Variants in EPM2A observed in about 807,000 individuals in gnomAD.
EPM2A encodes the protein laforin.
EPM2A carries 21 observed loss-of-function variants against 26.5 expected under a neutral mutation model. The ratio of observed to expected loss-of-function variants is 0.79; its 90% confidence interval spans 0.56 to 1.14. EPM2A has a LOEUF of 1.14. Among genes scored for constraint, EPM2A ranks in the 50% most tolerant of loss-of-function variants. The probability of loss-of-function intolerance (pLI) is 0.00; values close to 1 mark genes in which losing one functional copy is unlikely to be tolerated. For missense variants in EPM2A, 458 were observed against 440.8 expected, an observed-to-expected ratio of 1.04 and a Z score of -0.35; for synonymous variants, 217 against 177.6, an observed-to-expected ratio of 1.22 and a Z score of -1.76.
chr6:145,517,194 G>A (rs190317277), intron 2 of EPM2A, among the ~76,000 whole-genome samples: 1 of 152,234 alleles, frequency 6.6e-6, no homozygotes, highest in East Asian at 1.9e-4. Flanking sequence ...CTAGGGGAGG[G>A]AGAAATGGGG....
intron 4 of EPM2A, among the ~76,000 whole-genome samples, chr6:145,481,887 G>C (rs1779614692): frequency 6.6e-6 from 1 of 151,280 alleles, no homozygotes; most frequent in Admixed American, 6.6e-5. Context: ...ATAATTTAGT[G>C]AAACCATAAA....
intron 4 of EPM2A, among the ~76,000 whole-genome samples, chr6:145,386,203 C>T (rs1300741940): frequency 6.6e-6 from 1 of 152,046 alleles, no homozygotes; most frequent in Non-Finnish European, 1.5e-5. Context: ...TTAATAGAAG[C>T]ATAGTGCCTA....
At chr6:145,705,350 GAT>G (rs1782160148) in intron 1 of EPM2A, among the ~76,000 whole-genome samples, 2 of 152,026 alleles carry the variant, frequency 1.3e-5, no homozygotes, top group African/African-American at 4.8e-5. Flanking sequence ...CAGATATATA[GAT>G]ATATATAGAG....
chr6:145,601,972 T>G (rs1426277660), intron 2 of EPM2A, among the ~76,000 whole-genome samples: 1 of 152,208 alleles, frequency 6.6e-6, no homozygotes, highest in Non-Finnish European at 1.5e-5. Flanking sequence ...TTTGAAAAAG[T>G]TGACAAATTA....
At chr6:145,500,915 G>A (rs751345889), downstream of EPM2A, among the ~76,000 whole-genome samples, 86 of 152,154 alleles carry the variant, frequency 5.7e-4, 1 homozygote, top group Admixed American at 9.8e-4. Context: ...GGTTTGATGT[G>A]TAGATTCTAT....
rs1216969656 is a variant in EPM2A, at chr6:145,635,431, T to C, written c.532A>G (p.Ile178Val). Residue 178 changes from isoleucine (I) to valine (V), a missense_variant, in exon 3 of 4, where the codon ATC (isoleucine) becomes GTC (valine). Transcript: ENST00000367519. ...ATCCCCAATTCATGCTTCAGTTTGATGGTTACATGTTCCACCTGACGAGGG... is the reference window on the plus strand; with the variant it reads ...ATCCCCAATTCATGCTTCAGTTTGACGGTTACATGTTCCACCTGACGAGGG... ...SCPRQVEHVTIKLKHELGITA... is the reference protein window; with the variant it reads ...SCPRQVEHVTVKLKHELGITA... 1 of 1,614,032 alleles carries C rather than the reference T, an allele frequency of 6.2e-7. No homozygotes were observed. The highest frequency in any genetic ancestry group is 2.2e-5 in the East Asian group (1 of 44,884).
chr6:145,412,866 A>C (rs2114676556), intron 4 of EPM2A, among the ~76,000 whole-genome samples: 1 of 152,314 alleles, frequency 6.6e-6, no homozygotes, highest in East Asian at 1.9e-4. Flanking sequence ...TGTCCATGAC[A>C]GTGGCTAAGG....
chr6:145,620,052 G>C (rs955795103), intron 2 of EPM2A, among the ~76,000 whole-genome samples: 1 of 152,210 alleles, frequency 6.6e-6, no homozygotes, highest in Non-Finnish European at 1.5e-5. Flanking sequence ...AGTCTATAAA[G>C]AATGAGGGAT....
intron 2 of EPM2A, among the ~76,000 whole-genome samples, chr6:145,655,454 A>T (rs1027306170): frequency 6.6e-6 from 1 of 152,178 alleles, no homozygotes; most frequent in Non-Finnish European, 1.5e-5. Flanking sequence ...TACAAAGGTA[A>T]ATAAGATATA....
At chr6:145,720,130 AGAC>A (rs1775873612) in intron 1 of EPM2A, among the ~76,000 whole-genome samples, 1 of 152,198 alleles carries the variant, frequency 6.6e-6, no homozygotes, top group South Asian at 2.1e-4. Context: ...CACAATAAAA[AGAC>A]AACATTATCA....
intron 2 of EPM2A, among the ~76,000 whole-genome samples, chr6:145,675,243 T>A (rs747145983): frequency 6.6e-6 from 1 of 152,180 alleles, no homozygotes; most frequent in East Asian, 1.9e-4. Flanking sequence ...GCTGACAGAT[T>A]TTGTCATCAC....
intron 2 of EPM2A, among the ~76,000 whole-genome samples, chr6:145,528,807 A>G (rs1433611336): frequency 1.3e-5 from 2 of 152,166 alleles, no homozygotes; most frequent in Non-Finnish European, 2.9e-5. Context: ...TTAAATGGTG[A>G]TTCCTCTGAT....
At chr6:145,481,068 A>T (rs1486587057) in intron 4 of EPM2A, among the ~76,000 whole-genome samples, 1 of 152,054 alleles carries the variant, frequency 6.6e-6, no homozygotes, top group Non-Finnish European at 1.5e-5. Flanking sequence ...CTAATGAAGA[A>T]TTTCCACTAT....
At chr6:145,721,638 T>C (rs925988486) in intron 1 of EPM2A, 1 of 152,180 alleles carries the variant, frequency 6.6e-6, no homozygotes, top group African/African-American at 2.4e-5. Flanking sequence ...GCAAGCACAA[T>C]TCATTCTCAC....
intron 2 of EPM2A, among the ~76,000 whole-genome samples, chr6:145,514,211 G>T (rs1482216630): frequency 6.6e-6 from 1 of 152,152 alleles, no homozygotes; most frequent in East Asian, 1.9e-4. Context: ...CACTTCACTA[G>T]AGGCAGTTAT....
At chr6:145,682,003 C>T (rs1271541340) in intron 2 of EPM2A, among the ~76,000 whole-genome samples, 1 of 152,138 alleles carries the variant, frequency 6.6e-6, no homozygotes, top group Admixed American at 6.6e-5. Flanking sequence ...CTCTCTCACA[C>T]CTCTCTATAT....
intron 2 of EPM2A, among the ~76,000 whole-genome samples, chr6:145,545,212 C>T (rs1313309978): frequency 6.6e-6 from 1 of 152,094 alleles, no homozygotes; most frequent in Non-Finnish European, 1.5e-5. Context: ...ATCTCAGTGG[C>T]TTACAACAAC....
chr6:145,387,440 GT>G (rs1365231877), intron 4 of EPM2A, among the ~76,000 whole-genome samples: 1 of 152,112 alleles, frequency 6.6e-6, no homozygotes, highest in East Asian at 1.9e-4. Context: ...TCAAGGGGGA[GT>G]TCCAGATGCC....
At chr6:145,387,493 C>A (rs192245988) in intron 4 of EPM2A, among the ~76,000 whole-genome samples, 1 of 152,148 alleles carries the variant, frequency 6.6e-6, no homozygotes, top group East Asian at 2.0e-4. Context: ...GTCTGTCTTC[C>A]TTGACAATCC....
Sources: allele counts gnomAD v4.1 joint callset (sites outside exome capture counted in the v4.1 genomes callset), GRCh38; gene constraint gnomAD v4.1.1; transcripts MANE v1.5; gene names NCBI Gene and HGNC (gene_info 2026-07-23, HGNC 2026-07-21).